GATAD1: variants seen among roughly 807,000 people sequenced by gnomAD.
The protein encoded by GATAD1 is GATA zinc finger domain containing 1.
A neutral mutation model predicts 26.5 loss-of-function variants in GATAD1; 12 were observed. That is an observed-to-expected ratio of 0.45 (90% CI 0.29 to 0.73). The LOEUF is 0.73. GATAD1 is among the 30% of genes least tolerant of loss of function. GATAD1 has a pLI of 0.10. For missense variants in GATAD1, 266 were observed against 342.1 expected (o/e 0.78, Z 1.75); for synonymous variants, 129 against 133.1 (o/e 0.97, Z 0.21).
chr7:92,491,327 A>T, the GATAD1 span: 3 of 1,613,962 alleles, frequency 1.9e-6, no homozygotes, highest in African/African-American at 1.3e-5. Flanking sequence ...TCCAAAGTAG[A>T]GCCGGTACAT....
At chr7:92,493,144 ATTTAT>A in the GATAD1 span, 1 of 1,448,790 alleles carries the variant, frequency 6.9e-7, no homozygotes, top group Admixed American at 1.7e-5. Flanking sequence ...AAGGAGAAAA[ATTTAT>A]TTAACAAATA....
the GATAD1 span, among the ~76,000 whole-genome samples, chr7:92,485,080 G>A: frequency 6.6e-6 from 1 of 152,162 alleles, no homozygotes; most frequent in South Asian, 2.1e-4. Context: ...TTTGAGCCAG[G>A]AGAAGGAATT....
chr7:92,485,179 A>G, the GATAD1 span, among the ~76,000 whole-genome samples: 2 of 152,104 alleles, frequency 1.3e-5, no homozygotes, highest in African/African-American at 4.8e-5. Context: ...GGCCATTTTC[A>G]CTGCTTTTGT....
At chr7:92,464,687 C>G (rs1790037316), downstream of GATAD1, among the ~76,000 whole-genome samples, 1 of 152,224 alleles carries the variant, frequency 6.6e-6, no homozygotes, top group African/African-American at 2.4e-5. Context: ...CATGCTTCAG[C>G]TTGCAGGGGA....
chr7:92,464,551 T>A (rs1790033099), downstream of GATAD1, among the ~76,000 whole-genome samples: 1 of 152,184 alleles, frequency 6.6e-6, no homozygotes, highest in South Asian at 2.1e-4. Flanking sequence ...CTTTCTCAAC[T>A]CTAGTCCTCT....
Position 92,450,758 on chromosome 7 carries a change from A to G in GATAD1, c.433A>G (p.Lys145Glu). The change falls in exon 3 of 5, where the codon AAG becomes GAG. Residue 145 changes from lysine to glutamate, a missense_variant and splice_region_variant. Transcript: ENST00000287957. ...TIITAESIFY[K>E]GVYYQIGDVV... ...AATCACTGCAGAATCAATCTTCTAC[A>G]AGGTAAGCTTTTGTAGAGTTACTGA... is the stretch of plus-strand genomic sequence containing the variant. The G allele has an allele frequency of 1.3e-6, 2 of 1,598,642 alleles. No homozygotes were observed. Among genetic ancestry groups the G allele is most frequent in the Non-Finnish European group, 1.7e-6 (2 of 1,165,956 alleles).
chr7:92,483,050 C>T, the GATAD1 span, among the ~76,000 whole-genome samples: 1 of 152,204 alleles, frequency 6.6e-6, no homozygotes, highest in African/African-American at 2.4e-5. Context: ...CAGTGTCAGT[C>T]TTCAGCTGCT....
At chr7:92,448,169 TCAAA>T (rs1361966883) in intron 1 of GATAD1, among the ~76,000 whole-genome samples, 191 bp downstream of exon 1, 1 of 152,218 alleles carries the variant, frequency 6.6e-6, no homozygotes, top group Non-Finnish European at 1.5e-5. Flanking sequence ...TGTAAGAAAT[TCAAA>T]GCAATAAGAA....
At chr7:92,481,568 G>A in the GATAD1 span, among the ~76,000 whole-genome samples, 11 of 152,252 alleles carry the variant, frequency 7.2e-5, no homozygotes, top group African/African-American at 7.2e-5. Flanking sequence ...GCATGGTCCC[G>A]GTCCTTGTGT....
At chr7:92,476,475 G>A in the GATAD1 span, among the ~76,000 whole-genome samples, 1 of 152,214 alleles carries the variant, frequency 6.6e-6, no homozygotes, top group Non-Finnish European at 1.5e-5. Context: ...GTGGATTGGA[G>A]TGCTATAGGG....
At chr7:92,472,681 A>G in the GATAD1 span, 1 of 152,124 alleles carries the variant, frequency 6.6e-6, no homozygotes, top group East Asian at 1.9e-4. Context: ...CTGGGAATCC[A>G]TTTTCGGCAG....
the GATAD1 span, chr7:92,493,341 A>G: frequency 5.8e-6 from 2 of 346,050 alleles, no homozygotes; most frequent in Non-Finnish European, 1.0e-5. Context: ...AATGAAAATC[A>G]AACACTCTTA....
Position 92,450,916 on chromosome 7 carries a change from G to A in GATAD1, c.435+156G>A, listed in dbSNP as rs530148349. Among the ~76,000 whole-genome samples, 8 of 152,256 alleles carry A rather than the reference G, an allele frequency of 5.3e-5. No homozygotes were observed. In the Middle Eastern group the frequency reaches 0.01, roughly 194 times the overall value. On this transcript the variant is annotated intron_variant, in intron 3 of 4. Coordinates refer to ENST00000287957, the MANE Select transcript of GATAD1 (RefSeq NM_021167.5). ...TCTTAGCTGTTTTCCCCCATAAGTG[G>A]CTGTTATTAAAACATCTCATCTAGA... is the stretch of plus-strand genomic sequence containing the variant.
the GATAD1 span, among the ~76,000 whole-genome samples, chr7:92,475,750 CAG>C: frequency 6.6e-6 from 1 of 152,206 alleles, no homozygotes; most frequent in Non-Finnish European, 1.5e-5. Context: ...CCTTTGCGCT[CAG>C]GGGTGAGTCC....
rs1366066828 is a variant in GATAD1, at chr7:92,456,852, T to G, written c.*290T>G. On this transcript the variant is annotated 3_prime_UTR_variant, in exon 5 of 5. Transcript: ENST00000287957. ...TGGTCACTTAGAAAATTAAAAGGGATAGGGCCAGGCACAGTGGCTTATGCC... is the reference window on the plus strand; with the variant it reads ...TGGTCACTTAGAAAATTAAAAGGGAGAGGGCCAGGCACAGTGGCTTATGCC... 3.5e-6 allele frequency: 1 copy of G among 282,772 alleles called. No homozygotes were observed. The highest frequency in any genetic ancestry group is 5.2e-5 in the Admixed American group (1 of 19,374). 17.5% of individuals were successfully genotyped at this position (282,772 alleles called of 1,614,324 possible).
chr7:92,450,663 A>AT, intron 2 of GATAD1, 38 bp from the exon 3 acceptor site: 1 of 1,440,082 alleles, frequency 6.9e-7, no homozygotes, highest in Non-Finnish European at 9.8e-7. Flanking sequence ...AGACACATAC[A>AT]TACTATGAAT....
At chr7:92,493,212 A>G in the GATAD1 span, 2 of 818,686 alleles carry the variant, frequency 2.4e-6, no homozygotes, top group Non-Finnish European at 3.9e-6. Flanking sequence ...GATTTTCTTC[A>G]TAAATTAACC....
At chr7:92,460,815 A>G (rs979489349), downstream of GATAD1, among the ~76,000 whole-genome samples, 1 of 150,766 alleles carries the variant, frequency 6.6e-6, no homozygotes. Context: ...AAATTCCTCC[A>G]GAATTTTAAC....
chr7:92,487,036 T>A, the GATAD1 span: 1 of 154,366 alleles, frequency 6.5e-6, no homozygotes, highest in East Asian at 1.9e-4. Context: ...CAGTAGGTAA[T>A]AGGATATTTT....
Sources: allele counts gnomAD v4.1 joint callset (sites outside exome capture counted in the v4.1 genomes callset), GRCh38; gene constraint gnomAD v4.1.1; transcripts MANE v1.5; gene names NCBI Gene and HGNC (gene_info 2026-07-23, HGNC 2026-07-21).